Variants in CNOT10 observed in about 807,000 individuals in gnomAD.
CNOT10 encodes CCR4-NOT transcription complex subunit 10, also known as CCR4-NOT transcription complex, subunit 10.
Under a neutral mutation model 94.6 loss-of-function variants are expected in CNOT10, and 30 were observed. The observed-to-expected ratio is 0.32, with a 90% CI of 0.24 to 0.43. The LOEUF (loss-of-function observed/expected upper bound fraction) is 0.43, where lower values mean the gene tolerates loss of function less well. CNOT10 is among the 20% of genes least tolerant of loss of function. The probability of loss-of-function intolerance (pLI) is 1.00; values close to 1 mark genes in which losing one functional copy is unlikely to be tolerated. For synonymous variants in CNOT10, 289 were observed against 301.6 expected (o/e 0.96, Z 0.43); for missense variants, 759 against 877.2 (o/e 0.87, Z 1.70).
chr3:32,764,740 G>A lies in CNOT10; in HGVS notation c.1935G>A (p.Met645Ile). ...CCGTCAACTCTGCCAGGACTGTGATGCTGTTCAACCTTGGCAGCGCTTACT... is the reference window on the plus strand; with the variant it reads ...CCGTCAACTCTGCCAGGACTGTGATACTGTTCAACCTTGGCAGCGCTTACT... ...PSSVNSARTV[M>I]LFNLGSAYCL... Residue 645 changes from methionine (M) to isoleucine (I), a missense_variant, in exon 17 of 19, where the codon ATG becomes ATA. Coordinates refer to ENST00000328834, the MANE Select transcript of CNOT10 (RefSeq NM_015442.3). 6.2e-7 allele frequency: 1 copy of A among 1,614,148 alleles called. No homozygotes were observed. The highest frequency in any genetic ancestry group is 8.5e-7 in the Non-Finnish European group (1 of 1,180,042).
chr3:32,702,569 C>T (rs1010225327), intron 1 of CNOT10, among the ~76,000 whole-genome samples: 1 of 152,212 alleles, frequency 6.6e-6, no homozygotes, highest in Admixed American at 6.5e-5. Context: ...TGAAAATATT[C>T]CTTGCCTGGA....
At chr3:32,717,601 C>T (rs1334162895) in intron 7 of CNOT10, among the ~76,000 whole-genome samples, 1 of 152,136 alleles carries the variant, frequency 6.6e-6, no homozygotes, top group African/African-American at 2.4e-5. Context: ...CAGGTGGTGA[C>T]TCACCTGTAA....
intron 13 of CNOT10, among the ~76,000 whole-genome samples, chr3:32,745,105 C>T (rs1699635156): frequency 1.3e-5 from 2 of 152,118 alleles, no homozygotes; most frequent in Admixed American, 6.6e-5. Flanking sequence ...TATTGAACTC[C>T]TGGCCTCAAG....
chr3:32,739,610 G>A (rs1176747779), intron 13 of CNOT10, among the ~76,000 whole-genome samples: 1 of 147,294 alleles, frequency 6.8e-6, no homozygotes, highest in East Asian at 2.0e-4. Context: ...AACATGGTGA[G>A]ACCCTGTCTC....
At chr3:32,761,000 A>C (rs1700419887) in intron 14 of CNOT10, among the ~76,000 whole-genome samples, 1 of 151,004 alleles carries the variant, frequency 6.6e-6, no homozygotes, top group Non-Finnish European at 1.5e-5. Context: ...ATGGGGGCAC[A>C]CTCCTGTAAT....
chr3:32,734,815 G>A lies in CNOT10; in HGVS notation c.1353G>A (p.Ser451=), dbSNP rs147797250. ...TTCTTTTAAGTGATGGGCAGTCTTC[G>A]GCCATTCCTGTAGCCAGTATGGAGT... ...QNTVYNDGQS[S]AIPVASMEFA... Residue 451 remains serine, a synonymous_variant, in exon 12 of 19, where the codon TCG becomes TCA. Coordinates refer to ENST00000328834, the MANE Select transcript of CNOT10 (RefSeq NM_015442.3). 2.9e-5 allele frequency: 47 copies of A among 1,607,376 alleles called. No individual in the cohort carries two copies. In the Admixed American group the frequency reaches 7.2e-4, roughly 25 times the overall value.
chr3:32,707,682 A>G (rs1002023960), intron 3 of CNOT10, among the ~76,000 whole-genome samples: 1 of 152,146 alleles, frequency 6.6e-6, no homozygotes, highest in Non-Finnish European at 1.5e-5. Flanking sequence ...GCATGCCTGT[A>G]GTCCGAGCTA....
chr3:32,738,342 T>C (rs1699286402), intron 13 of CNOT10, among the ~76,000 whole-genome samples: 1 of 152,220 alleles, frequency 6.6e-6, no homozygotes, highest in East Asian at 1.9e-4. Flanking sequence ...CAGGTATTAC[T>C]TCTTCCTTAA....
intron 8 of CNOT10, among the ~76,000 whole-genome samples, chr3:32,724,111 A>C (rs1698542322): frequency 1.3e-5 from 2 of 152,200 alleles, no homozygotes; most frequent in South Asian, 4.1e-4. Context: ...CGGGTGAAAG[A>C]CAAGAGGCAA....
At chr3:32,689,766 C>A (rs753627434) in intron 1 of CNOT10, among the ~76,000 whole-genome samples, 1 of 151,946 alleles carries the variant, frequency 6.6e-6, no homozygotes, top group Non-Finnish European at 1.5e-5. Context: ...CCAGCCTAGG[C>A]GACATAGCCA....
chr3:32,746,148 T>C (rs12634599), intron 13 of CNOT10, among the ~76,000 whole-genome samples: 19,866 of 152,242 alleles, frequency 0.13, 1,421 homozygotes, highest in South Asian at 0.19. Context: ...AACTAATTTA[T>C]GTTGCTAGAA....
rs1237065436 is a variant in CNOT10 at position 32,769,921 on chromosome 3, C to G, written c.2039C>G (p.Pro680Arg). ...ASMIHPKEVP[P>R]EAILLAVYLE... The stretch of plus-strand genomic sequence containing the variant: ...ATGATCCATCCTAAAGAGGTGCCCC[C>G]TGAGGCCATCTTGCTGGCAGTCTAC... Residue 680 changes from proline to arginine, a missense_variant, in exon 18 of 19, where the codon CCT (proline) becomes CGT (arginine). This residue lies in a region of CNOT10 where 4 missense variants were observed against 16.8 expected (regional missense o/e 0.24). Coordinates refer to ENST00000328834, the MANE Select transcript of CNOT10 (RefSeq NM_015442.3). The G allele has an allele frequency of 6.2e-7, 1 of 1,613,900 alleles. No individual in the cohort carries two copies. The highest frequency in any genetic ancestry group is 1.3e-5 in the African/African-American group (1 of 74,944).
intron 7 of CNOT10, among the ~76,000 whole-genome samples, chr3:32,718,747 C>G (rs1698240492): frequency 6.6e-6 from 1 of 151,914 alleles, no homozygotes; most frequent in Non-Finnish European, 1.5e-5. Context: ...CTTTAGTGAC[C>G]AGAACTTTGG....
intron 3 of CNOT10, among the ~76,000 whole-genome samples, chr3:32,706,264 G>A (rs1419604668): frequency 1.3e-5 from 2 of 152,110 alleles, no homozygotes; most frequent in Non-Finnish European, 2.9e-5. Flanking sequence ...TGCACCCTAT[G>A]ACCCCATAGA....
intron 1 of CNOT10, among the ~76,000 whole-genome samples, chr3:32,697,620 G>A (rs1331564012): frequency 6.6e-6 from 1 of 152,074 alleles, no homozygotes; most frequent in African/African-American, 2.4e-5. Flanking sequence ...ACAGGCACAT[G>A]CCACTATGCC....
In CNOT10 at chr3:32,762,881, T is replaced by C; in HGVS notation, c.1840+18T>C. On this transcript the variant is annotated intron_variant, in intron 15 of 18. Transcript: ENST00000328834. ...GGACCAAGGTTAATGAGGACATCTT[T>C]GATCAGAACTGGTCACTGTTTCCAT... 2.0e-6 allele frequency: 3 copies of C among 1,516,990 alleles called. No individual in the cohort carries two copies. Among genetic ancestry groups the C allele is most frequent in the Non-Finnish European group, 2.6e-6 (3 of 1,142,998 alleles). The allele number at this position is 1,516,990 out of a possible 1,614,324, so 94.0% of individuals were successfully genotyped here.
chr3:32,719,024 G>T (rs1468073650), intron 7 of CNOT10, among the ~76,000 whole-genome samples: 1 of 152,144 alleles, frequency 6.6e-6, no homozygotes, highest in Non-Finnish European at 1.5e-5. Flanking sequence ...GCTGAGGCAG[G>T]CGGATCCCAA....
At chr3:32,739,336 T>C (rs968562909) in intron 13 of CNOT10, among the ~76,000 whole-genome samples, 1 of 152,230 alleles carries the variant, frequency 6.6e-6, no homozygotes, top group Non-Finnish European at 1.5e-5. Context: ...CTGTTTTCTA[T>C]TTCGTTTCTG....
chr3:32,767,017 ATCT>A lies in CNOT10; in HGVS notation c.2004+2210_2004+2212del, dbSNP rs1216411832. Reference sequence around the variant, plus strand: ...ACTGCACATAAGCAGACATACTACAATCTTGCCCTTGCTTGTAGACCTTTGCAG... The same window carrying A: ...ACTGCACATAAGCAGACATACTACAATGCCCTTGCTTGTAGACCTTTGCAG... On this transcript the variant is annotated intron_variant, in intron 17 of 18. Coordinates refer to ENST00000328834, the MANE Select transcript of CNOT10 (RefSeq NM_015442.3). Among the ~76,000 whole-genome samples the A allele has an allele frequency of 2.0e-5, 3 of 152,240 alleles. No individual in the cohort carries two copies. The East Asian group carries it at 5.8e-4, about 29-fold the overall frequency.
Sources: gnomAD v4.1 joint callset for allele counts (sites outside exome capture counted in the v4.1 genomes callset) on GRCh38, gnomAD v4.1.1 for gene constraint, gnomAD v4.1.1 regional missense constraint, MANE v1.5 for transcripts, NCBI Gene and HGNC (gene_info 2026-07-23, HGNC 2026-07-21) for gene names.